Variants in RBFOX1 observed in about 807,000 individuals in gnomAD.
RBFOX1 encodes RNA binding protein fox-1 homolog 1.
In RBFOX1, 8 loss-of-function variants were observed where a neutral mutation model predicts 57.7. That is an observed-to-expected ratio of 0.14 (90% CI 0.08 to 0.25). The LOEUF (loss-of-function observed/expected upper bound fraction) is 0.25, where lower values mean the gene tolerates loss of function less well. Among genes scored for constraint, RBFOX1 ranks in the 10% least tolerant of loss-of-function variants. The pLI, the probability that RBFOX1 is intolerant of heterozygous loss-of-function variation, is 1.00. For synonymous variants in RBFOX1, 326 were observed against 222.4 expected, an observed-to-expected ratio of 1.47 and a Z score of -4.15; for missense variants, 611 against 548.5, an observed-to-expected ratio of 1.11 and a Z score of -1.14.
chr16:6,595,361 G>C (rs1009658620), intron 2 of RBFOX1, among the ~76,000 whole-genome samples: 7 of 152,076 alleles, frequency 4.6e-5, no homozygotes, highest in African/African-American at 1.4e-4. Flanking sequence ...GTTTTCAAGG[G>C]CCATCAATGT....
chr16:7,421,530 A>G (rs192478956), intron 4 of RBFOX1, among the ~76,000 whole-genome samples: 2 of 152,172 alleles, frequency 1.3e-5, no homozygotes, highest in African/African-American at 2.4e-5. Flanking sequence ...TAAGGCAGGA[A>G]TCTGAGGTCT....
At chr16:7,185,191 A>G (rs919454926) in intron 4 of RBFOX1, among the ~76,000 whole-genome samples, 4 of 144,030 alleles carry the variant, frequency 2.8e-5, no homozygotes, top group South Asian at 4.8e-4. Flanking sequence ...ATTTCACATT[A>G]TACCTCTCTC....
chr16:7,265,219 T>G (rs2095081855), intron 4 of RBFOX1, among the ~76,000 whole-genome samples: 1 of 151,850 alleles, frequency 6.6e-6, no homozygotes, highest in South Asian at 2.1e-4. Flanking sequence ...AACAGAAATC[T>G]TTTCTCTTGC....
intron 1 of RBFOX1, among the ~76,000 whole-genome samples, chr16:6,042,579 A>G (rs1398356667): frequency 6.6e-6 from 1 of 152,098 alleles, no homozygotes; most frequent in Non-Finnish European, 1.5e-5. Flanking sequence ...GATCTTTGGG[A>G]ATGTTGATTA....
chr16:5,794,975 G>C (rs371072240), intron 3 of RBFOX1, among the ~76,000 whole-genome samples: 10 of 152,332 alleles, frequency 6.6e-5, no homozygotes, highest in African/African-American at 2.2e-4. Flanking sequence ...TGGGTCTTGA[G>C]AAGGAGTCAC....
intron 5 of RBFOX1, among the ~76,000 whole-genome samples, chr16:7,519,366 G>A (rs2077045929): frequency 6.6e-6 from 1 of 152,148 alleles, no homozygotes; most frequent in Non-Finnish European, 1.5e-5. Context: ...GAATTTTGAT[G>A]AATAAGGGAA....
chr16:6,134,181 C>A (rs1434884092), intron 1 of RBFOX1, among the ~76,000 whole-genome samples: 1 of 152,152 alleles, frequency 6.6e-6, no homozygotes, highest in East Asian at 1.9e-4. Context: ...AGGTGATCCA[C>A]CCACCTCAGC....
intron 3 of RBFOX1, among the ~76,000 whole-genome samples, chr16:5,828,489 A>G (rs1262252376): frequency 1.3e-5 from 2 of 152,004 alleles, no homozygotes; most frequent in Non-Finnish European, 1.5e-5. Flanking sequence ...CGCGAGGTCA[A>G]TAGATCAAGA....
intron 1 of RBFOX1, among the ~76,000 whole-genome samples, chr16:6,121,570 G>A (rs1203447827): frequency 6.6e-6 from 1 of 152,148 alleles, no homozygotes; most frequent in Non-Finnish European, 1.5e-5. Flanking sequence ...CCATTTGCTT[G>A]TACACTGTGC....
chr16:7,090,384 A>T (rs1441765171), intron 4 of RBFOX1, among the ~76,000 whole-genome samples: 2 of 152,128 alleles, frequency 1.3e-5, no homozygotes, highest in Non-Finnish European at 2.9e-5. Context: ...TGTGGGGTAG[A>T]TGGTATAGTC....
intron 3 of RBFOX1, among the ~76,000 whole-genome samples, chr16:6,851,635 C>T (rs951941813): frequency 1.3e-5 from 2 of 152,128 alleles, no homozygotes; most frequent in African/African-American, 4.8e-5. Flanking sequence ...TCTCAAGCCT[C>T]CTGTTGTCAG....
chr16:5,768,958 G>T (rs2053884453), intron 3 of RBFOX1, among the ~76,000 whole-genome samples: 1 of 152,024 alleles, frequency 6.6e-6, no homozygotes. Context: ...GGAAATCCAG[G>T]CAGTGGGATA....
At chr16:6,632,216 G>A (rs185880742) in intron 2 of RBFOX1, among the ~76,000 whole-genome samples, 12 of 152,108 alleles carry the variant, frequency 7.9e-5, no homozygotes, top group African/African-American at 2.9e-4. Flanking sequence ...AAGGAAAGCT[G>A]GAAGAACTTT....
At chr16:6,945,104 G>T (rs147572657) in intron 3 of RBFOX1, among the ~76,000 whole-genome samples, 1 of 152,052 alleles carries the variant, frequency 6.6e-6, no homozygotes, top group Non-Finnish European at 1.5e-5. Flanking sequence ...TGCACCCAAC[G>T]TCCCTTTGCT....
At chr16:6,179,936 G>T (rs2097049238) in intron 1 of RBFOX1, among the ~76,000 whole-genome samples, 1 of 152,158 alleles carries the variant, frequency 6.6e-6, no homozygotes, top group Non-Finnish European at 1.5e-5. Context: ...TGTCATGAAA[G>T]GGTCTTGACT....
chr16:6,843,951 A>G (rs966309516), intron 3 of RBFOX1, among the ~76,000 whole-genome samples: 3 of 152,148 alleles, frequency 2.0e-5, no homozygotes, highest in African/African-American at 7.2e-5. Context: ...GGAAATCACA[A>G]GGCTTGCTTG....
intron 3 of RBFOX1, among the ~76,000 whole-genome samples, chr16:5,803,478 C>A (rs1392527776): frequency 6.6e-6 from 1 of 152,188 alleles, no homozygotes; most frequent in Non-Finnish European, 1.5e-5. Context: ...TTTCCTCATC[C>A]ATTTTTAATA....
At chr16:6,659,018 C>T (rs2098683230) in intron 3 of RBFOX1, among the ~76,000 whole-genome samples, 1 of 151,422 alleles carries the variant, frequency 6.6e-6, no homozygotes, top group African/African-American at 2.4e-5. Flanking sequence ...GGAGGTAACC[C>T]ATCACTTGGA....
chr16:6,224,762 C>T (rs1338056919), intron 1 of RBFOX1, among the ~76,000 whole-genome samples: 1 of 152,058 alleles, frequency 6.6e-6, no homozygotes, highest in Non-Finnish European at 1.5e-5. Context: ...GGCTCACGCC[C>T]ATAATCCCAG....
Sources: allele counts gnomAD v4.1 joint callset (sites outside exome capture counted in the v4.1 genomes callset), GRCh38; gene constraint gnomAD v4.1.1; transcripts MANE v1.5; gene names NCBI Gene and HGNC (gene_info 2026-07-23, HGNC 2026-07-21).